The following MIGA1 variants were observed in gnomAD, a reference collection of about 807,000 sequenced individuals.
The protein encoded by MIGA1 is mitoguardin 1.
A neutral mutation model predicts 82.0 loss-of-function variants in MIGA1; 58 were observed. The ratio of observed to expected loss-of-function variants is 0.71; its 90% CI spans 0.57 to 0.88. The LOEUF (loss-of-function observed/expected upper bound fraction) is 0.88. Ranked by LOEUF, MIGA1 falls within the 40% of genes least tolerant of loss-of-function variation. MIGA1 has a pLI of 0.00. For synonymous variants in MIGA1, 249 were observed against 253.6 expected, an observed-to-expected ratio of 0.98 and a Z score of 0.17; for missense variants, 751 against 749.1, an observed-to-expected ratio of 1.00 and a Z score of -0.03.
intron 2 of MIGA1, among the ~76,000 whole-genome samples, chr1:77,796,268 G>A (rs566663633): frequency 2.6e-5 from 4 of 151,380 alleles, no homozygotes; most frequent in Admixed American, 6.6e-5. Context: ...ACAGGCGACC[G>A]CCACCATGCC....
intron 15 of MIGA1, 62 bp downstream of exon 15, chr1:77,873,182 A>G (rs1264925833): frequency 1.3e-6 from 2 of 1,502,650 alleles, no homozygotes; most frequent in Non-Finnish European, 9.1e-7. Flanking sequence ...ATACGGTTTT[A>G]TTCTGTTTTG....
chr1:77,863,863 A>G (rs1455919311), intron 12 of MIGA1, 31 bp from the exon 13 acceptor site: 2 of 1,461,942 alleles, frequency 1.4e-6, no homozygotes, highest in Non-Finnish European at 9.3e-7. Context: ...ATGTAATAAT[A>G]ATTTCTGTTT....
chr1:77,876,973 G>T lies in MIGA1; in HGVS notation c.*1909G>T, dbSNP rs564220123. ...CCTAAAACGGGCTTTAGTCATTTTA[G>T]GAGTGAGTTGCACAAAAGGACCTAA... On this transcript the variant is annotated 3_prime_UTR_variant, in exon 16 of 16. Coordinates refer to ENST00000370791, the MANE Select transcript of MIGA1 (RefSeq NM_198549.4). 22 of 152,250 alleles carry T rather than the reference G, an allele frequency of 1.4e-4. No individual in the cohort carries two copies. Among genetic ancestry groups the T allele is most frequent in the African/African-American group, 5.1e-4 (21 of 41,538 alleles). 9.4% of individuals were successfully genotyped at this position (152,250 alleles called of 1,614,324 possible).
intron 2 of MIGA1, among the ~76,000 whole-genome samples, chr1:77,800,167 A>G (rs1682817767): frequency 6.6e-6 from 1 of 151,904 alleles, no homozygotes; most frequent in Admixed American, 6.6e-5. Flanking sequence ...CATTAGGGAG[A>G]CTTTTGTAGG....
chr1:77,874,651 A>G (rs1646879614), intron 15 of MIGA1, among the ~76,000 whole-genome samples, 195 bp from the exon 16 acceptor site: 2 of 152,070 alleles, frequency 1.3e-5, no homozygotes, highest in Non-Finnish European at 1.5e-5. Flanking sequence ...GCCCTATTTC[A>G]CAGAAAAAGA....
intron 8 of MIGA1, chr1:77,847,047 T>G (rs569182822): frequency 2.7e-6 from 2 of 730,360 alleles, no homozygotes; most frequent in Non-Finnish European, 5.0e-6. Context: ...ACGACACTTA[T>G]TTATAGCAAT....
In MIGA1 at chr1:77,811,682, C is replaced by T. The variant is rs144563369; in HGVS notation, c.638-2052C>T. 4.8e-3 allele frequency: 7,752 copies of T among 1,611,862 alleles called. 299 individuals carry two copies. In the African/African-American group the frequency reaches 0.092, roughly 19 times the overall value. On this transcript the variant is annotated intron_variant, in intron 5 of 15. Transcript: ENST00000370791. ...AGATGTCTTGCTAATATCTGATACT[C>T]GTCTATCGCCTCCACCAGCTGGCCC...
At chr1:77,792,786 C>CTTTT (rs888755051) in intron 2 of MIGA1, among the ~76,000 whole-genome samples, 8 of 121,614 alleles carry the variant, frequency 6.6e-5, no homozygotes, top group Non-Finnish European at 1.0e-4. Flanking sequence ...GGATTGTTTG[C>CTTTT]TTTTTTTTTT....
chr1:77,822,140 AT>A (rs1359359334), intron 7 of MIGA1, among the ~76,000 whole-genome samples: 3 of 151,842 alleles, frequency 2.0e-5, no homozygotes, highest in Admixed American at 2.0e-4. Context: ...ATAAAAAAAA[AT>A]CGTACACCTT....
At chr1:77,811,487 T>G in intron 5 of MIGA1, 1 of 1,546,470 alleles carries the variant, frequency 6.5e-7, no homozygotes, top group African/African-American at 1.4e-5. Flanking sequence ...AGAATATTCT[T>G]TAGGATTGGT....
In MIGA1 at chr1:77,807,785, A is replaced by AT. The variant is rs1367323239; in HGVS notation, c.637+686dup. Among the ~76,000 whole-genome samples the AT allele has an allele frequency of 1.2e-4, 18 of 151,980 alleles. No individual in the cohort carries two copies. The East Asian group carries it at 3.3e-3, about 28-fold the overall frequency. On this transcript the variant is annotated intron_variant, in intron 5 of 15. Transcript: ENST00000370791. ...GTCTCTACCTTTGTCTTCGTGTCAC[A>AT]TTCTCCTCTGTGTGTATCAAATCTC...
intron 14 of MIGA1, among the ~76,000 whole-genome samples, chr1:77,871,132 G>GAGGGAA: frequency 6.7e-6 from 1 of 149,624 alleles, no homozygotes; most frequent in Admixed American, 6.7e-5. Context: ...AGAGGAGGGA[G>GAGGGAA]AGGGAGAGGG....
intron 7 of MIGA1, among the ~76,000 whole-genome samples, chr1:77,833,993 T>G (rs1384931396): frequency 6.6e-6 from 1 of 152,258 alleles, no homozygotes; most frequent in Non-Finnish European, 1.5e-5. Flanking sequence ...ATAAAAATTT[T>G]GATAAATAGG....
chr1:77,864,093 G>C, intron 13 of MIGA1, 65 bp downstream of exon 13: 1 of 1,536,938 alleles, frequency 6.5e-7, no homozygotes, highest in Non-Finnish European at 8.8e-7. Flanking sequence ...GGGCGCAGTA[G>C]CTCACGCCTG....
chr1:77,825,046 T>C (rs1340019438), intron 7 of MIGA1, among the ~76,000 whole-genome samples: 1 of 144,804 alleles, frequency 6.9e-6, no homozygotes, highest in African/African-American at 2.5e-5. Flanking sequence ...TGGAGTGCAG[T>C]GGCATGATCT....
chr1:77,847,811 A>T, intron 8 of MIGA1: 1 of 1,603,398 alleles, frequency 6.2e-7, no homozygotes, highest in South Asian at 1.1e-5. Context: ...CAAAAAACGG[A>T]ATACCACAAG....
At chr1:77,805,461 C>CTTTTTTT (rs11408292) in intron 4 of MIGA1, among the ~76,000 whole-genome samples, 59 of 110,202 alleles carry the variant, frequency 5.4e-4, no homozygotes, top group Non-Finnish European at 6.7e-4. Context: ...TATGCCTATT[C>CTTTTTTT]TTTTTTTTTT....
intron 2 of MIGA1, among the ~76,000 whole-genome samples, chr1:77,795,320 C>CA (rs1316201512): frequency 6.6e-6 from 1 of 150,882 alleles, no homozygotes; most frequent in Non-Finnish European, 1.5e-5. Context: ...ATTACTTCTA[C>CA]ATTTATTATT....
intron 2 of MIGA1, among the ~76,000 whole-genome samples, chr1:77,800,314 C>T (rs377282857): frequency 7.2e-5 from 11 of 152,218 alleles, no homozygotes; most frequent in East Asian, 3.8e-4. Flanking sequence ...AGATTTGAAA[C>T]GATGCTTGCT....
Sources: gnomAD v4.1 joint callset for allele counts (sites outside exome capture counted in the v4.1 genomes callset) on GRCh38, gnomAD v4.1.1 for gene constraint, MANE v1.5 for transcripts, NCBI Gene and HGNC (gene_info 2026-07-23, HGNC 2026-07-21) for gene names.